Variants in LRRC49 observed in about 807,000 individuals in gnomAD.
LRRC49 encodes leucine rich repeat containing 49.
Under a neutral mutation model 83.3 loss-of-function variants are expected in LRRC49, and 50 were observed. The observed-to-expected ratio is 0.60, with a 90% CI of 0.48 to 0.76. The LOEUF (loss-of-function observed/expected upper bound fraction) is 0.76, where lower values mean the gene tolerates loss of function less well. Ranked by LOEUF, LRRC49 falls within the 30% of genes least tolerant of loss-of-function variation. LRRC49 has a pLI of 0.00. For missense variants in LRRC49, 704 were observed against 809.1 expected (o/e 0.87, Z 1.58); for synonymous variants, 286 against 283.3 (o/e 1.01, Z -0.10).
At chr15:70,947,675 C>A (rs74992279) in intron 8 of LRRC49, among the ~76,000 whole-genome samples, 1,833 of 152,264 alleles carry the variant, frequency 0.012, 39 homozygotes, top group African/African-American at 0.041. Flanking sequence ...TTATTGGAAG[C>A]CCAGGATCTC....
chr15:70,872,608 T>G lies in LRRC49; in HGVS notation c.-298-300T>G, dbSNP rs144352001. On this transcript the variant is annotated intron_variant, in intron 1 of 16. Coordinates refer to the LRRC49 transcript ENST00000544974. ...CTTGAGATGATGTCAAAGATAAAGT[T>G]GTGATACGCTTTAGGGTTTCCAAAA... Among the ~76,000 whole-genome samples the G allele has an allele frequency of 2.8e-3, 423 of 152,212 alleles. 5 individuals are homozygous for G. Among genetic ancestry groups the G allele is most frequent in the African/African-American group, 9.9e-3 (413 of 41,534 alleles).
chr15:70,909,137 A>G (rs2034440397), intron 5 of LRRC49, among the ~76,000 whole-genome samples: 1 of 152,234 alleles, frequency 6.6e-6, no homozygotes, highest in Non-Finnish European at 1.5e-5. Context: ...TGATTCTTCA[A>G]ATCGGAGAAC....
chr15:70,881,803 T>C (rs1391591233), intron 2 of LRRC49: 2 of 152,226 alleles, frequency 1.3e-5, no homozygotes, highest in Non-Finnish European at 2.9e-5. Context: ...TAAGCACTGA[T>C]GCAAACAGAT....
intron 2 of LRRC49, among the ~76,000 whole-genome samples, chr15:70,876,082 C>T (rs574660563): frequency 2.0e-5 from 3 of 152,158 alleles, no homozygotes; most frequent in South Asian, 4.1e-4. Flanking sequence ...TCACTTTTGC[C>T]AGGTAAATAA....
At chr15:70,908,224 T>TA (rs535883176) in intron 5 of LRRC49, among the ~76,000 whole-genome samples, 160 of 152,312 alleles carry the variant, frequency 1.1e-3, no homozygotes, top group African/African-American at 3.7e-3. Flanking sequence ...CCCAATGGGT[T>TA]CTTCTTGCCT....
At chr15:70,903,315 A>G (rs572175274) in intron 4 of LRRC49, among the ~76,000 whole-genome samples, 3 of 152,088 alleles carry the variant, frequency 2.0e-5, no homozygotes, top group South Asian at 2.1e-4. Flanking sequence ...TGATAAAATA[A>G]TTGAATATAT....
rs914601825 is a variant in LRRC49 at position 70,919,242 on chromosome 15, G to T, written c.711+49G>T. The T allele has an allele frequency of 2.0e-6, 3 of 1,468,172 alleles. 1 individual carries two copies. The South Asian group carries it at 4.2e-5, about 20-fold the overall frequency. 90.9% of individuals were successfully genotyped at this position (1,468,172 alleles called of 1,614,324 possible). ...ATGTACTTTGTGGCTTTCTTTCAAG[G>T]AATTGAAACAAATGTTGTAATATGG... On this transcript the variant is annotated intron_variant, in intron 7 of 15. Transcript: ENST00000260382.
intron 1 of LRRC49, chr15:70,854,166 G>T: frequency 1.9e-6 from 2 of 1,070,824 alleles, no homozygotes. Context: ...CTGCGACGAG[G>T]GGGCGGGGGC....
chr15:71,034,819 C>A (rs1440334338), intron 14 of LRRC49, among the ~76,000 whole-genome samples: 1 of 152,178 alleles, frequency 6.6e-6, no homozygotes, highest in African/African-American at 2.4e-5. Flanking sequence ...CACATGTTCT[C>A]ACTTATAAGT....
chr15:71,042,468 T>C (rs2039725871), intron 15 of LRRC49, among the ~76,000 whole-genome samples: 1 of 152,178 alleles, frequency 6.6e-6, no homozygotes, highest in Non-Finnish European at 1.5e-5. Flanking sequence ...AATCAGGAGA[T>C]GTGGATTTGA....
rs984474334 is a variant in LRRC49 at position 70,949,404 on chromosome 15, G to A, written c.773+12582G>A. ...CATATATATTTTTGCTGATGCTGAT[G>A]TAAACAAACCTACTGAGCTGCCAGT... On this transcript the variant is annotated intron_variant, in intron 8 of 15. Coordinates refer to ENST00000260382, the MANE Select transcript of LRRC49 (RefSeq NM_017691.5). 3.9e-5 allele frequency among the ~76,000 whole-genome samples: 6 copies of A among 152,168 alleles called. No homozygotes were observed. The South Asian group carries it at 1.2e-3, about 32-fold the overall frequency.
At chr15:71,048,444 T>C (rs1358590683) in intron 15 of LRRC49, among the ~76,000 whole-genome samples, 3 of 152,178 alleles carry the variant, frequency 2.0e-5, no homozygotes, top group African/African-American at 7.2e-5. Context: ...ATTATTTTGG[T>C]GTTTTGACTT....
At chr15:70,885,263 TA>T (rs1019743049) in intron 2 of LRRC49, among the ~76,000 whole-genome samples, 1 of 152,018 alleles carries the variant, frequency 6.6e-6, no homozygotes, top group Non-Finnish European at 1.5e-5. Context: ...ATAACAGACA[TA>T]GGGGATAAGA....
chr15:70,860,746 T>G (rs1196726425), intron 1 of LRRC49, among the ~76,000 whole-genome samples: 1 of 152,254 alleles, frequency 6.6e-6, no homozygotes, highest in Admixed American at 6.5e-5. Flanking sequence ...TGTGAGATTT[T>G]TATGAGTATT....
chr15:71,049,063 T>A (rs973381064), intron 15 of LRRC49, among the ~76,000 whole-genome samples: 1 of 152,204 alleles, frequency 6.6e-6, no homozygotes, highest in Admixed American at 6.5e-5. Context: ...ACCACAGGAA[T>A]CTGTGAGTCT....
At chr15:70,875,231 C>A (rs2097132063) in intron 2 of LRRC49, among the ~76,000 whole-genome samples, 1 of 152,172 alleles carries the variant, frequency 6.6e-6, no homozygotes, top group Non-Finnish European at 1.5e-5. Context: ...CTCAGCAACT[C>A]CATCTAGTGT....
At chr15:70,905,335 A>G (rs2034260332) in intron 5 of LRRC49, among the ~76,000 whole-genome samples, 1 of 152,214 alleles carries the variant, frequency 6.6e-6, no homozygotes, top group Non-Finnish European at 1.5e-5. Flanking sequence ...CAATGCCTAC[A>G]AAGAAGGGCT....
At chr15:70,882,156 A>T (rs1010402327) in intron 2 of LRRC49, 1 of 267,478 alleles carries the variant, frequency 3.7e-6, no homozygotes, top group East Asian at 7.8e-5. Context: ...CAAATATTCA[A>T]TGCTTAATTT....
At chr15:70,944,330 A>G (rs1364395563) in intron 8 of LRRC49, among the ~76,000 whole-genome samples, 1 of 152,212 alleles carries the variant, frequency 6.6e-6, no homozygotes, top group Non-Finnish European at 1.5e-5. Context: ...TTTGGAATAT[A>G]AACAAATGGC....
Sources: allele counts gnomAD v4.1 joint callset (sites outside exome capture counted in the v4.1 genomes callset), GRCh38; gene constraint gnomAD v4.1.1; transcripts MANE v1.5; gene names NCBI Gene and HGNC (gene_info 2026-07-23, HGNC 2026-07-21).